Variants in MCEE observed in about 807,000 individuals in gnomAD.
The protein encoded by MCEE is methylmalonyl-CoA epimerase, also known as methylmalonyl-CoA epimerase, mitochondrial.
MCEE carries 6 observed loss-of-function variants against 12.9 expected under a neutral mutation model. That is an observed-to-expected ratio of 0.47 (90% CI 0.26 to 0.92). MCEE has a LOEUF of 0.92. Ranked by LOEUF, MCEE falls within the 40% of genes least tolerant of loss-of-function variation. The probability of loss-of-function intolerance (pLI) is 0.16; values close to 1 mark genes in which losing one functional copy is unlikely to be tolerated. For synonymous variants in MCEE, 78 were observed against 77.9 expected (o/e 1.00, Z -0.01); for missense variants, 214 against 212.1 (o/e 1.01, Z -0.05).
rs765900408 is a variant in MCEE, at chr2:71,122,829, C to T, written c.378+1377G>A. ...GCTGTTATGATAACTCTATGCCTTTCCACATGCAATTCCCTCTGCCTGAAA... is the reference window on the plus strand; with the variant it reads ...GCTGTTATGATAACTCTATGCCTTTTCACATGCAATTCCCTCTGCCTGAAA... On this transcript the variant is annotated intron_variant, in intron 2 of 2. Transcript: ENST00000244217. Among the ~76,000 whole-genome samples the T allele has an allele frequency of 4.8e-4, 73 of 152,362 alleles. 1 individual carries two copies. The highest frequency in any genetic ancestry group is 3.4e-3 in the Middle Eastern group (1 of 294).
chr2:71,126,330 C>T (rs138703264), intron 1 of MCEE, among the ~76,000 whole-genome samples: 3,003 of 151,794 alleles, frequency 0.02, 40 homozygotes, highest in South Asian at 0.036. Flanking sequence ...CGGGTTCAAG[C>T]GATTCTCCTG....
chr2:71,124,426 A>G lies in MCEE; in HGVS notation c.158T>C (p.Ile53Thr). Residue 53 changes from isoleucine (I) to threonine (T), a missense_variant, in exon 2 of 3, where the codon ATA becomes ACA. Physicochemically the swap from Ile to Thr is moderately conservative, Grantham distance 89. Coordinates refer to ENST00000244217, the MANE Select transcript of MCEE (RefSeq NM_032601.4). The stretch of plus-strand genomic sequence containing the variant: ...AGCCTTTTCCAAATCTGGCACTGCT[A>G]TGGCTACATGGTTGAGTCGACCCAG... ...WNLGRLNHVA[I>T]AVPDLEKAAA... The G allele has an allele frequency of 6.2e-7, 1 of 1,614,168 alleles. No homozygotes were observed. Among genetic ancestry groups the G allele is most frequent in the Non-Finnish European group, 8.5e-7 (1 of 1,180,034 alleles).
chr2:71,125,304 G>A (rs1452885609), intron 1 of MCEE, among the ~76,000 whole-genome samples: 18 of 147,670 alleles, frequency 1.2e-4, no homozygotes, highest in African/African-American at 4.0e-4. Context: ...CGCCCCCCAG[G>A]TTCAAGCGAT....
rs865803815 is a variant in MCEE at position 71,109,789 on chromosome 2, T to C, written c.*181A>G. On this transcript the variant is annotated 3_prime_UTR_variant, in exon 3 of 3. Transcript: ENST00000244217. ...TCAAATTAACAAATATGTTTGTTAA[T>C]CTAAATAATATACATATTTATGTAT... The C allele has an allele frequency of 1.4e-4, 52 of 366,624 alleles. No individual in the cohort carries two copies. The highest frequency in any genetic ancestry group is 2.3e-4 in the Non-Finnish European group (49 of 210,782). The allele number at this position is 366,624 out of a possible 1,614,324, so 22.7% of individuals were successfully genotyped here.
At chr2:71,112,774 A>G (rs1044418802) in intron 2 of MCEE, among the ~76,000 whole-genome samples, 3 of 152,098 alleles carry the variant, frequency 2.0e-5, no homozygotes, top group Admixed American at 1.3e-4. Flanking sequence ...GGGGTTGCTG[A>G]CTTTCTTGAA....
In MCEE at chr2:71,124,356, C is replaced by T. The variant is rs767329950; in HGVS notation, c.228G>A (p.Ala76=). Residue 76 remains alanine, a synonymous_variant, in exon 2 of 3, where the codon GCG becomes GCA. Transcript: ENST00000244217. The part of the protein sequence containing the change: ...KNILGAQVSE[A]VPLPEHGVSV... ...ATACTCCATGTTCAGGAAGAGGGAC[C>T]GCTTCACTTACCTGGGCCCCCAGAA... 1.2e-5 allele frequency: 19 copies of T among 1,614,146 alleles called. No homozygotes were observed. The highest frequency in any genetic ancestry group is 5.0e-5 in the Admixed American group (3 of 60,016).
intron 1 of MCEE, among the ~76,000 whole-genome samples, chr2:71,124,839 G>A (rs1290056883): frequency 6.6e-6 from 1 of 152,016 alleles, no homozygotes; most frequent in Non-Finnish European, 1.5e-5. Context: ...CACTTAAATA[G>A]TGGCATATTA....
intron 2 of MCEE, among the ~76,000 whole-genome samples, chr2:71,117,290 A>C (rs1456830043): frequency 6.6e-6 from 1 of 150,664 alleles, no homozygotes; most frequent in African/African-American, 2.5e-5. Context: ...TCAGAAGAGC[A>C]CATGTTACCT....
chr2:71,109,992 A>T lies in MCEE; in HGVS notation c.509T>A (p.Leu170His). 6.2e-7 allele frequency: 1 copy of T among 1,613,770 alleles called. No individual in the cohort carries two copies. Among genetic ancestry groups the T allele is most frequent in the Non-Finnish European group, 8.5e-7 (1 of 1,179,864 alleles). ...AAATCAAGCTTGCTCCAGTTCCACAAGGACTCCACCACAGTCTTTAGGATG... is the reference window on the plus strand; with the variant it reads ...AAATCAAGCTTGCTCCAGTTCCACATGGACTCCACCACAGTCTTTAGGATG... ...FLHPKDCGGV[L>H]VELEQA Residue 170 changes from leucine to histidine, a missense_variant, in exon 3 of 3, where the codon CTT becomes CAT. Leu to His is a moderately conservative substitution (Grantham distance 99). Transcript: ENST00000244217.
At chr2:71,128,530 AT>A (rs11442586) in intron 1 of MCEE, among the ~76,000 whole-genome samples, 158 of 148,010 alleles carry the variant, frequency 1.1e-3, no homozygotes, top group African/African-American at 3.4e-3. Context: ...TTAAAAAGCA[AT>A]TTTTTTTTTT....
intron 2 of MCEE, among the ~76,000 whole-genome samples, chr2:71,119,363 T>C (rs905035002): frequency 6.7e-6 from 1 of 148,748 alleles, no homozygotes; most frequent in Non-Finnish European, 1.5e-5. Context: ...TCTAAACACA[T>C]TTCAACACAG....
At chr2:71,117,861 G>A (rs545358214) in intron 2 of MCEE, among the ~76,000 whole-genome samples, 15 of 149,660 alleles carry the variant, frequency 1.0e-4, no homozygotes, top group African/African-American at 1.5e-4. Context: ...CTCTGTCACC[G>A]GTCCCTATGA....
chr2:71,113,354 A>G (rs529799042), intron 2 of MCEE, among the ~76,000 whole-genome samples: 102 of 152,328 alleles, frequency 6.7e-4, no homozygotes, highest in African/African-American at 2.4e-3. Flanking sequence ...GCAAGAACCA[A>G]TGACACACCC....
intron 2 of MCEE, among the ~76,000 whole-genome samples, chr2:71,122,614 T>G (rs1375314795): frequency 6.6e-6 from 1 of 152,130 alleles, no homozygotes. Context: ...AAAATCCCCC[T>G]TATAAAACTG....
chr2:71,116,221 G>A (rs566258880), intron 2 of MCEE, among the ~76,000 whole-genome samples: 7 of 149,400 alleles, frequency 4.7e-5, no homozygotes, highest in Non-Finnish European at 8.8e-5. Context: ...GTAGGTGCCC[G>A]CCACCACGCC....
At chr2:71,111,253 G>A (rs1393859702) in intron 2 of MCEE, among the ~76,000 whole-genome samples, 2 of 152,156 alleles carry the variant, frequency 1.3e-5, no homozygotes, top group Non-Finnish European at 2.9e-5. Context: ...ACTGTAGCTG[G>A]TTAATTCTCA....
intron 1 of MCEE, among the ~76,000 whole-genome samples, chr2:71,125,203 A>ATTTT (rs1222185444): frequency 4.0e-4 from 17 of 42,758 alleles, no homozygotes; most frequent in African/African-American, 1.3e-3. Flanking sequence ...ATATATATAT[A>ATTTT]TATATATATT....
At position 71,116,273 on chromosome 2, in the gene MCEE, C is replaced by T. The variant is rs978759242; in HGVS notation, c.379-6151G>A. Among the ~76,000 whole-genome samples the T allele has an allele frequency of 8.3e-4, 124 of 149,972 alleles. 2 individuals carry two copies. The highest frequency in any genetic ancestry group is 1.3e-3 in the Non-Finnish European group (86 of 67,986). ...ATTTTTAGTAGAGACAGGGTTTCACCGTGTTAGCCAGGATGGTCTCGATCT... is the reference window on the plus strand; with the variant it reads ...ATTTTTAGTAGAGACAGGGTTTCACTGTGTTAGCCAGGATGGTCTCGATCT... On this transcript the variant is annotated intron_variant, in intron 2 of 2. Transcript: ENST00000244217.
chr2:71,123,746 A>C (rs1349758633), intron 2 of MCEE, among the ~76,000 whole-genome samples: 1 of 152,220 alleles, frequency 6.6e-6, no homozygotes, highest in Non-Finnish European at 1.5e-5. Context: ...ACAGTAATTG[A>C]AAATGTATTG....
Sources: gnomAD v4.1 joint callset for allele counts (sites outside exome capture counted in the v4.1 genomes callset) on GRCh38, gnomAD v4.1.1 for gene constraint, MANE v1.5 for transcripts, NCBI Gene and HGNC (gene_info 2026-07-23, HGNC 2026-07-21) for gene names.